The following METTL21A variants were observed in gnomAD, a reference collection of about 807,000 sequenced individuals.
METTL21A encodes the protein methyltransferase 21A, HSPA lysine, also known as protein N-lysine methyltransferase METTL21A.
A neutral mutation model predicts 20.9 loss-of-function variants in METTL21A; 22 were observed. The ratio of observed to expected loss-of-function variants is 1.05; its 90% CI spans 0.75 to 1.50. The LOEUF is 1.50. METTL21A is among the 40% of genes most tolerant of loss of function. The pLI, the probability that METTL21A is intolerant of heterozygous loss-of-function variation, is 0.00. For missense variants in METTL21A, 271 were observed against 266.8 expected, an observed-to-expected ratio of 1.02 and a Z score of -0.11; for synonymous variants, 93 against 102.0, an observed-to-expected ratio of 0.91 and a Z score of 0.53.
At chr2:207,588,268 T>TTTG (rs1474526250) in intron 3 of METTL21A, among the ~76,000 whole-genome samples, 2 of 152,212 alleles carry the variant, frequency 1.3e-5, no homozygotes, top group Non-Finnish European at 2.9e-5. Flanking sequence ...GGAACATCCA[T>TTTG]TTGTTCCAGA....
intron 3 of METTL21A, among the ~76,000 whole-genome samples, chr2:207,590,083 GTTTTTTTTT>G (rs59126515): frequency 2.0e-4 from 15 of 76,154 alleles, no homozygotes; most frequent in African/African-American, 5.3e-4. Context: ...ATTTTGAGAA[GTTTTTTTTT>G]TTTTTTTTTT....
In METTL21A at chr2:207,601,856, TTTG is replaced by T. The variant is rs962933628; in HGVS notation, c.260-19699_260-19697del. On this transcript the variant is annotated intron_variant, in intron 3 of 3. Coordinates refer to the METTL21A transcript ENST00000425132. ...GTTGTACAAAGCACAACTAGAACTT[TTTG>T]TTGGGAGGCTTACATACATCTTGAA... The T allele has an allele frequency of 1.1e-4, 25 of 217,496 alleles. No individual in the cohort carries two copies. The Admixed American group carries it at 1.2e-3, about 10-fold the overall frequency. The allele number at this position is 217,496 out of a possible 1,614,324, so 13.5% of individuals were successfully genotyped here.
intron 3 of METTL21A, among the ~76,000 whole-genome samples, chr2:207,591,899 A>G (rs2085112394): frequency 6.6e-6 from 1 of 152,178 alleles, no homozygotes; most frequent in Non-Finnish European, 1.5e-5. Flanking sequence ...ACTATGGCAC[A>G]AGTAGAAATT....
chr2:207,612,999 C>T, exon 4 of METTL21A: 1 of 1,504,554 alleles, frequency 6.6e-7, no homozygotes, highest in Non-Finnish European at 8.9e-7. Context: ...CAGTCTAAGA[C>T]CTTAAGTGAC....
downstream of METTL21A, chr2:207,610,879 G>C (rs2088816077): frequency 3.9e-5 from 1 of 25,380 alleles, no homozygotes; most frequent in Non-Finnish European, 7.3e-5. Context: ...GAAGTGAGGA[G>C]CCCCTCTGCC....
chr2:207,620,391 C>T (rs1181934808), intron 3 of METTL21A, among the ~76,000 whole-genome samples: 3 of 151,652 alleles, frequency 2.0e-5, no homozygotes, highest in Non-Finnish European at 2.9e-5. Flanking sequence ...TGCAGTGAGC[C>T]GAGATCATGC....
chr2:207,580,949 A>G, downstream of METTL21A: 1 of 216,824 alleles, frequency 4.6e-6, no homozygotes, highest in East Asian at 6.8e-5. Flanking sequence ...TGTTAGCCAC[A>G]GCACAGGCAA....
chr2:207,582,229 T>A (rs1574909836), intron 3 of METTL21A: 8 of 701,204 alleles, frequency 1.1e-5, no homozygotes, highest in Non-Finnish European at 1.6e-5. Context: ...AGGTGTATTT[T>A]AGAAGAAGTA....
chr2:207,588,808 T>G (rs2084397598), intron 3 of METTL21A, among the ~76,000 whole-genome samples: 1 of 149,598 alleles, frequency 6.7e-6, no homozygotes, highest in Non-Finnish European at 1.5e-5. Flanking sequence ...TGCTGGTATA[T>G]GGAAATAAAA....
downstream of METTL21A, chr2:207,581,643 T>G (rs2551926): frequency 0.94 from 387,963 of 413,556 alleles, 183,703 homozygotes; most frequent in East Asian, 1. Flanking sequence ...CAAAGGAGTT[T>G]TAAAAATACA....
Position 207,581,712 on chromosome 2 carries a change from T to C in METTL21A, c.*435A>G. 7 of 598,968 alleles carry C rather than the reference T, an allele frequency of 1.2e-5. No homozygotes were observed. The South Asian group carries it at 1.3e-4, about 11-fold the overall frequency. The allele number at this position is 598,968 out of a possible 1,614,324, so 37.1% of individuals were successfully genotyped here. On this transcript the variant is annotated 3_prime_UTR_variant, in exon 4 of 4. Transcript: ENST00000425132. ...ATCTTAGTATATTACATAACCAGGGTACATTTATCAAAAATAAAAGTACAT... is the reference window on the plus strand; with the variant it reads ...ATCTTAGTATATTACATAACCAGGGCACATTTATCAAAAATAAAAGTACAT...
intron 3 of METTL21A, chr2:207,620,771 C>A: frequency 7.3e-7 from 1 of 1,377,182 alleles, no homozygotes; most frequent in South Asian, 1.4e-5. Context: ...TGCTCCCTGT[C>A]GAATTTTGGA....
intron 3 of METTL21A, chr2:207,582,302 A>T (rs749543223): frequency 3.2e-6 from 2 of 621,454 alleles, no homozygotes; most frequent in Non-Finnish European, 5.7e-6. Flanking sequence ...TTTAGAATTC[A>T]TCAGTAAATC....
At chr2:207,600,242 T>C (rs1575061854) in intron 3 of METTL21A, 2 of 137,536 alleles carry the variant, frequency 1.5e-5, no homozygotes, top group South Asian at 2.3e-4. Flanking sequence ...TGTGTACATA[T>C]ATATATATAT....
chr2:207,591,167 T>C (rs930473583), intron 3 of METTL21A, among the ~76,000 whole-genome samples: 5 of 152,196 alleles, frequency 3.3e-5, no homozygotes, highest in Admixed American at 6.5e-5. Context: ...TTTCTACTTA[T>C]TCTGTCATCT....
intron 3 of METTL21A, chr2:207,598,484 CTTAA>C (rs1236719541): frequency 2.7e-5 from 2 of 74,704 alleles, no homozygotes; most frequent in Admixed American, 2.2e-4. Context: ...AACAGTTACT[CTTAA>C]AAAAAAAAAA....
chr2:207,585,147 C>A (rs1361087959), intron 3 of METTL21A, among the ~76,000 whole-genome samples: 8 of 152,158 alleles, frequency 5.3e-5, no homozygotes, highest in Non-Finnish European at 1.2e-4. Flanking sequence ...TCACATTGGC[C>A]ACCCAGAGGC....
intron 3 of METTL21A, among the ~76,000 whole-genome samples, chr2:207,619,686 C>A (rs1249140230): frequency 6.6e-6 from 1 of 151,952 alleles, no homozygotes; most frequent in Non-Finnish European, 1.5e-5. Context: ...ACAAAACATA[C>A]CAAAATGCTA....
intron 3 of METTL21A, among the ~76,000 whole-genome samples, chr2:207,614,328 G>A (rs556610446): frequency 2.6e-5 from 4 of 151,808 alleles, no homozygotes; most frequent in Non-Finnish European, 5.9e-5. Context: ...ATGGGAGATC[G>A]AGGCTGCAGT....
Sources: gnomAD v4.1 joint callset for allele counts (sites outside exome capture counted in the v4.1 genomes callset) on GRCh38, gnomAD v4.1.1 for gene constraint, MANE v1.5 for transcripts, NCBI Gene and HGNC (gene_info 2026-07-23, HGNC 2026-07-21) for gene names.